Variants in DCDC2C observed in about 807,000 individuals in gnomAD.
DCDC2C encodes the protein doublecortin domain-containing protein 2C.
A neutral mutation model predicts 45.0 loss-of-function variants in DCDC2C; 44 were observed. The observed-to-expected ratio is 0.98, with a 90% CI of 0.77 to 1.26. The LOEUF (loss-of-function observed/expected upper bound fraction) is 1.26, where lower values mean the gene tolerates loss of function less well. Among genes scored for constraint, DCDC2C ranks in the 50% most tolerant of loss-of-function variants. The probability of loss-of-function intolerance (pLI) is 0.00; values close to 1 mark genes in which losing one functional copy is unlikely to be tolerated. For synonymous variants in DCDC2C, 187 were observed against 178.8 expected (o/e 1.05, Z -0.37); for missense variants, 447 against 468.9 (o/e 0.95, Z 0.43).
At chr2:3,801,462 C>T (rs1671111107) in intron 10 of DCDC2C, among the ~76,000 whole-genome samples, 2 of 152,270 alleles carry the variant, frequency 1.3e-5, no homozygotes, top group Admixed American at 6.5e-5. Flanking sequence ...TGAGAAATTA[C>T]AAGAGAAAAT....
rs147187839 is a variant in DCDC2C at position 3,791,772 on chromosome 2, G to A, written c.1065+6672G>A. Among the ~76,000 whole-genome samples the A allele has an allele frequency of 7.5e-3, 1,140 of 152,250 alleles. 21 individuals carry two copies. Among genetic ancestry groups the A allele is most frequent in the African/African-American group, 0.026 (1,075 of 41,546 alleles). ...GGGCCAGCACTCTTCCTCCCCTCCCGCCGGCAGAATGTCTTCTCCTCTAAG... is the reference window on the plus strand; with the variant it reads ...GGGCCAGCACTCTTCCTCCCCTCCCACCGGCAGAATGTCTTCTCCTCTAAG... On this transcript the variant is annotated intron_variant, in intron 10 of 10. Coordinates refer to ENST00000399143, the MANE Select transcript of DCDC2C (RefSeq NM_001287444.2).
intron 10 of DCDC2C, among the ~76,000 whole-genome samples, chr2:3,786,728 G>C (rs545913764): frequency 6.6e-6 from 1 of 152,328 alleles, no homozygotes; most frequent in South Asian, 2.1e-4. Context: ...GGAGCCTCTC[G>C]TGTGGATGTG....
rs56268226 is a variant in DCDC2C, at chr2:3,725,725, C to G, written c.340-1278C>G. Among the ~76,000 whole-genome samples the G allele has an allele frequency of 1.1e-3, 148 of 140,114 alleles. 1 individual carries two copies. The highest frequency in any genetic ancestry group is 1.7e-3 in the African/African-American group (61 of 35,744). 91.9% of individuals were successfully genotyped at this position (140,114 alleles called of 152,430 possible). ...GGGAGATGAGCAAAGAGTGACGAGGCTGGCCAGGTGGATCCCGGAGAGAGA... is the reference window on the plus strand; with the variant it reads ...GGGAGATGAGCAAAGAGTGACGAGGGTGGCCAGGTGGATCCCGGAGAGAGA... On this transcript the variant is annotated intron_variant, in intron 2 of 10. Coordinates refer to ENST00000399143, the MANE Select transcript of DCDC2C (RefSeq NM_001287444.2).
chr2:3,826,435 A>G (rs1671817965), intron 10 of DCDC2C, among the ~76,000 whole-genome samples: 1 of 152,224 alleles, frequency 6.6e-6, no homozygotes, highest in African/African-American at 2.4e-5. Context: ...GTATTAATTG[A>G]TATAATGCTT....
rs185456919 is a variant in DCDC2C at position 3,780,671 on chromosome 2, G to A, written c.1023+1787G>A. On this transcript the variant is annotated intron_variant, in intron 9 of 10. Coordinates refer to ENST00000399143, the MANE Select transcript of DCDC2C (RefSeq NM_001287444.2). Reference sequence around the variant, plus strand: ...GCTGGGGAGCAAACGAAGGCATCCCGAGCTTCACCGTGCACCAGGCACTGC... The same window carrying A: ...GCTGGGGAGCAAACGAAGGCATCCCAAGCTTCACCGTGCACCAGGCACTGC... Among the ~76,000 whole-genome samples, 24 of 152,270 alleles carry A rather than the reference G, an allele frequency of 1.6e-4. No homozygotes were observed. The East Asian group carries it at 4.1e-3, about 26-fold the overall frequency.
intron 3 of DCDC2C, among the ~76,000 whole-genome samples, chr2:3,731,915 C>T (rs1310333965): frequency 1.3e-5 from 2 of 152,114 alleles, no homozygotes; most frequent in African/African-American, 2.4e-5. Flanking sequence ...GGGATGTTTC[C>T]TGTCAGGACC....
At chr2:3,836,861 C>CAA (rs58586640) in intron 10 of DCDC2C, among the ~76,000 whole-genome samples, 4,765 of 136,342 alleles carry the variant, frequency 0.035, 139 homozygotes, top group African/African-American at 0.069. Flanking sequence ...GACTCCGTCT[C>CAA]AAAAAAAAAA....
intron 10 of DCDC2C, among the ~76,000 whole-genome samples, chr2:3,803,032 G>T (rs1671150599): frequency 6.6e-6 from 1 of 152,142 alleles, no homozygotes. Context: ...AATAGTTATT[G>T]TCATTTGCTT....
At chr2:3,737,138 C>G (rs1394047685) in intron 3 of DCDC2C, among the ~76,000 whole-genome samples, 2 of 152,128 alleles carry the variant, frequency 1.3e-5, no homozygotes, top group African/African-American at 4.8e-5. Flanking sequence ...CCTGGGGAGA[C>G]CGAGAGATTC....
At chr2:3,777,928 G>A (rs1228682200) in intron 8 of DCDC2C, among the ~76,000 whole-genome samples, 5 of 152,248 alleles carry the variant, frequency 3.3e-5, no homozygotes, top group Non-Finnish European at 7.3e-5. Flanking sequence ...GATGACAGGT[G>A]AGTGGTTCCA....
intron 10 of DCDC2C, among the ~76,000 whole-genome samples, chr2:3,822,008 G>C (rs1197702983): frequency 3.9e-5 from 6 of 152,142 alleles, no homozygotes; most frequent in African/African-American, 1.4e-4. Flanking sequence ...CCTACCCCTA[G>C]TCTACTAATC....
chr2:3,750,265 T>C (rs1465558749), intron 4 of DCDC2C, among the ~76,000 whole-genome samples: 1 of 152,148 alleles, frequency 6.6e-6, no homozygotes, highest in Non-Finnish European at 1.5e-5. Flanking sequence ...TGATCAAGAA[T>C]TGAATTTTGG....
chr2:3,798,128 C>G (rs1436862006), intron 10 of DCDC2C, among the ~76,000 whole-genome samples: 11 of 151,968 alleles, frequency 7.2e-5, no homozygotes, highest in African/African-American at 2.4e-4. Flanking sequence ...TATGTAATGG[C>G]CTTCTTTGTC....
rs1667938198 is a variant in DCDC2C, at chr2:3,703,746, G to A, written c.-6G>A. 8.1e-7 allele frequency: 1 copy of A among 1,230,610 alleles called. No individual in the cohort carries two copies. The highest frequency in any genetic ancestry group is 1.6e-5 in the African/African-American group (1 of 64,364). 76.2% of individuals were successfully genotyped at this position (1,230,610 alleles called of 1,614,324 possible). On this transcript the variant is annotated 5_prime_UTR_variant, in exon 1 of 11. Coordinates refer to ENST00000399143, the MANE Select transcript of DCDC2C (RefSeq NM_001287444.2). This position sits in a 1 kb window ranked among gnomAD's most constrained non-coding sequence, Gnocchi z 4.4. Reference sequence around the variant, plus strand: ...GGCCCCGGCGAGCGAGGAGCGGGGCGCGGCTATGGGAACCCGCGGGCCCTC... The same window carrying A: ...GGCCCCGGCGAGCGAGGAGCGGGGCACGGCTATGGGAACCCGCGGGCCCTC...
intron 10 of DCDC2C, among the ~76,000 whole-genome samples, chr2:3,842,786 G>C (rs1672247489): frequency 6.6e-6 from 1 of 152,136 alleles, no homozygotes; most frequent in Non-Finnish European, 1.5e-5. Context: ...ATTTTGTCAT[G>C]CTGCTGTCCT....
chr2:3,847,084 C>CAA (rs928004996), intron 10 of DCDC2C, 70 bp from the exon 11 acceptor site: 28 of 1,119,048 alleles, frequency 2.5e-5, no homozygotes, highest in Non-Finnish European at 2.9e-5. Context: ...CTGAGAGAAC[C>CAA]AGAAACAAAC....
chr2:3,795,794 G>A (rs1350324244), intron 10 of DCDC2C, among the ~76,000 whole-genome samples: 1 of 134,792 alleles, frequency 7.4e-6, no homozygotes, highest in Non-Finnish European at 1.6e-5. Context: ...TTTGAAGTCA[G>A]GTAGCGTGAT....
chr2:3,754,444 CATT>C, intron 5 of DCDC2C, 145 bp from the exon 6 acceptor site: 1 of 674,268 alleles, frequency 1.5e-6, no homozygotes, highest in Non-Finnish European at 2.4e-6. Context: ...GCTGGGAAAT[CATT>C]GTTGCCATGA....
intron 7 of DCDC2C, chr2:3,769,110 G>T (rs767237402): frequency 5.5e-6 from 3 of 541,108 alleles, no homozygotes; most frequent in Non-Finnish European, 1.0e-5. Flanking sequence ...AGGCCACCAC[G>T]CTGAGCACCT....
Sources: gnomAD v4.1 joint callset for allele counts (sites outside exome capture counted in the v4.1 genomes callset) on GRCh38, gnomAD v4.1.1 for gene constraint, Gnocchi (gnomAD v3.1) non-coding constraint, MANE v1.5 for transcripts, NCBI Gene and HGNC (gene_info 2026-07-23, HGNC 2026-07-21) for gene names.